ATP2B2: variants seen among roughly 807,000 people sequenced by gnomAD.
ATP2B2 encodes ATPase plasma membrane Ca2+ transporting 2.
In ATP2B2, 15 loss-of-function variants were observed where a neutral mutation model predicts 120.0. That is an observed-to-expected ratio of 0.12 (90% CI 0.08 to 0.19). The LOEUF (loss-of-function observed/expected upper bound fraction) is 0.19, where lower values mean the gene tolerates loss of function less well. Ranked by LOEUF, ATP2B2 falls within the 10% of genes least tolerant of loss-of-function variation. ATP2B2 has a pLI of 1.00. For missense variants in ATP2B2, 1,045 were observed against 1,719.8 expected (o/e 0.61, Z 6.94); for synonymous variants, 694 against 700.3 (o/e 0.99, Z 0.14).
chr3:10,468,461 G>A (rs886803817), intron 1 of ATP2B2, among the ~76,000 whole-genome samples: 1 of 152,262 alleles, frequency 6.6e-6, no homozygotes, highest in South Asian at 2.1e-4. Context: ...GCTACCCAAT[G>A]TTGATTTGCT....
chr3:10,337,371 C>T (rs904582814), intron 22 of ATP2B2, among the ~76,000 whole-genome samples: 15 of 152,154 alleles, frequency 9.9e-5, no homozygotes, highest in African/African-American at 3.6e-4. Flanking sequence ...CACTCCAGCT[C>T]CCCAGATGGT....
intron 1 of ATP2B2, among the ~76,000 whole-genome samples, chr3:10,499,167 C>A (rs984156768): frequency 6.6e-6 from 1 of 152,224 alleles, no homozygotes; most frequent in Admixed American, 6.5e-5. Flanking sequence ...AGGCCCTGAG[C>A]CAAGTGCTTC....
intron 2 of ATP2B2, among the ~76,000 whole-genome samples, chr3:10,610,136 CAT>C (rs1491471080): frequency 9.0e-6 from 1 of 111,468 alleles, no homozygotes; most frequent in Non-Finnish European, 1.7e-5. Context: ...TATATATATA[CAT>C]GTATATATAT....
intron 3 of ATP2B2, among the ~76,000 whole-genome samples, chr3:10,531,753 G>A (rs1352019120): frequency 6.6e-6 from 1 of 152,194 alleles, no homozygotes; most frequent in Non-Finnish European, 1.5e-5. Context: ...GGCTGGTAGT[G>A]AGGACAAGGG....
At chr3:10,412,355 A>T (rs904585118) in intron 2 of ATP2B2, among the ~76,000 whole-genome samples, 4 of 152,206 alleles carry the variant, frequency 2.6e-5, no homozygotes, top group African/African-American at 9.6e-5. Context: ...TCTGGTGGGG[A>T]AGACTCCCTC....
chr3:10,504,568 C>A (rs558880779), intron 1 of ATP2B2, among the ~76,000 whole-genome samples: 2 of 151,454 alleles, frequency 1.3e-5, no homozygotes, highest in Admixed American at 6.6e-5. Context: ...GAGCACCCCC[C>A]CAACCCCCAA....
At chr3:10,634,163 C>G (rs917333195) in intron 1 of ATP2B2, among the ~76,000 whole-genome samples, 2 of 152,216 alleles carry the variant, frequency 1.3e-5, no homozygotes, top group Non-Finnish European at 2.9e-5. Flanking sequence ...CTTTCTGAAT[C>G]AACCCAGGAA....
At chr3:10,704,937 T>C (rs1299033626) in intron 1 of ATP2B2, among the ~76,000 whole-genome samples, 1 of 152,234 alleles carries the variant, frequency 6.6e-6, no homozygotes, top group Non-Finnish European at 1.5e-5. Flanking sequence ...TATTCTCTTA[T>C]TTGCAAATTA....
At chr3:10,572,661 G>A (rs2068153645) in intron 2 of ATP2B2, among the ~76,000 whole-genome samples, 1 of 152,180 alleles carries the variant, frequency 6.6e-6, no homozygotes, top group African/African-American at 2.4e-5. Flanking sequence ...TAGATGAACA[G>A]TTCTGGAATG....
At chr3:10,514,215 C>T (rs2066831464) in intron 3 of ATP2B2, among the ~76,000 whole-genome samples, 4 of 152,198 alleles carry the variant, frequency 2.6e-5, no homozygotes, top group Admixed American at 2.6e-4. Context: ...CTGTTCTTCC[C>T]TACCCTGTGA....
chr3:10,592,744 C>T (rs1251250930), intron 2 of ATP2B2, among the ~76,000 whole-genome samples: 2 of 152,220 alleles, frequency 1.3e-5, no homozygotes, highest in Non-Finnish European at 2.9e-5. Context: ...TTTCCCACTG[C>T]CACCCTGGAA....
At chr3:10,605,533 C>T (rs1319321480) in intron 2 of ATP2B2, among the ~76,000 whole-genome samples, 1 of 152,124 alleles carries the variant, frequency 6.6e-6, no homozygotes, top group South Asian at 2.1e-4. Flanking sequence ...AGAGCTGGGG[C>T]TCCTTAGCTT....
rs955748621 is a variant in ATP2B2, at chr3:10,621,740, C to A, written c.-459-1779G>T. Among the ~76,000 whole-genome samples, 5 of 152,350 alleles carry A rather than the reference C, an allele frequency of 3.3e-5. No homozygotes were observed. The East Asian group carries it at 5.8e-4, about 18-fold the overall frequency. ...AATCTGAAACACCTGAGCATTTACT[C>A]CTCATTCCAACTCCATGAGGCGGGC... is the stretch of plus-strand genomic sequence containing the variant. On this transcript the variant is annotated intron_variant, in intron 1 of 21. Coordinates refer to the ATP2B2 transcript ENST00000646379.
At chr3:10,601,716 C>T (rs2068926566) in intron 2 of ATP2B2, among the ~76,000 whole-genome samples, 1 of 152,196 alleles carries the variant, frequency 6.6e-6, no homozygotes, top group Admixed American at 6.5e-5. Flanking sequence ...CGCCCAGGAG[C>T]CTGCATGTAC....
At chr3:10,512,464 G>GCGCGCGCACACACACA (rs749056818) in intron 3 of ATP2B2, among the ~76,000 whole-genome samples, 78 of 136,994 alleles carry the variant, frequency 5.7e-4, no homozygotes, top group African/African-American at 1.8e-3. Context: ...AAGTGTGTGC[G>GCGCGCGCACACACACA]CACACACACA....
chr3:10,639,819 C>T (rs1183172942), intron 1 of ATP2B2, among the ~76,000 whole-genome samples: 1 of 152,198 alleles, frequency 6.6e-6, no homozygotes, highest in Non-Finnish European at 1.5e-5. Flanking sequence ...TCTCCTGCCA[C>T]CTTCTAGTCT....
chr3:10,574,887 G>A (rs1449064653), intron 2 of ATP2B2, among the ~76,000 whole-genome samples: 1 of 152,112 alleles, frequency 6.6e-6, no homozygotes, highest in Non-Finnish European at 1.5e-5. Flanking sequence ...GGGGATATGA[G>A]GGTGGGATTC....
intron 1 of ATP2B2, among the ~76,000 whole-genome samples, chr3:10,675,368 T>C (rs2071214924): frequency 6.6e-6 from 1 of 152,248 alleles, no homozygotes; most frequent in South Asian, 2.1e-4. Context: ...GTTTGCCTTC[T>C]TTCATTCACC....
intron 5 of ATP2B2, among the ~76,000 whole-genome samples, chr3:10,395,566 T>C (rs73113634): frequency 0.011 from 1,697 of 152,352 alleles, 35 homozygotes; most frequent in African/African-American, 0.038. Flanking sequence ...AACAGCCGAA[T>C]CAGAGTGAAG....
Sources: gnomAD v4.1 joint callset for allele counts (sites outside exome capture counted in the v4.1 genomes callset) on GRCh38, gnomAD v4.1.1 for gene constraint, MANE v1.5 for transcripts, NCBI Gene and HGNC (gene_info 2026-07-23, HGNC 2026-07-21) for gene names.